The following SH3KBP1 variants were observed in gnomAD, a reference collection of about 807,000 sequenced individuals.
The protein encoded by SH3KBP1 is SH3 domain containing kinase binding protein 1.
Under a neutral mutation model 50.1 loss-of-function variants are expected in SH3KBP1, and 8 were observed. The observed-to-expected ratio is 0.16, with a 90% CI of 0.09 to 0.29. The LOEUF (loss-of-function observed/expected upper bound fraction) is 0.29. SH3KBP1 is among the 10% of genes least tolerant of loss of function. The pLI is 1.00. For synonymous variants in SH3KBP1, 227 were observed against 218.6 expected (o/e 1.04, Z -0.34); for missense variants, 377 against 535.2 (o/e 0.70, Z 2.92).
chrX:19,819,695 T>A (rs1281009346), intron 2 of SH3KBP1, among the ~76,000 whole-genome samples: 1 of 111,129 alleles, frequency 9.0e-6, no homozygotes, highest in Non-Finnish European at 1.9e-5. Context: ...TTCTCTGTTG[T>A]TTTTCTGTTT....
rs1489555630 is a variant in SH3KBP1 at position 19,588,745 on chromosome X, G to A, written c.1196C>T (p.Pro399Leu). The A allele has an allele frequency of 4.2e-6, 5 of 1,198,134 alleles. No individual in the cohort carries two copies. Among genetic ancestry groups the A allele is most frequent in the Non-Finnish European group, 5.6e-6 (5 of 888,058 alleles). Residue 399 changes from proline (P) to leucine (L), a missense_variant, in exon 12 of 18, where the codon CCG becomes CTG. Transcript: ENST00000397821. ...CTTAGGTGGCCGAGGCTTTTTTGGCGGTATGGCAGGAACGGAGGGCTTCTG... is the reference window on the plus strand; with the variant it reads ...CTTAGGTGGCCGAGGCTTTTTTGGCAGTATGGCAGGAACGGAGGGCTTCTG... ...DLQKPSVPAI[P>L]PKKPRPPKTN... is the part of the protein sequence containing the mutation.
At chrX:19,722,559 C>T (rs951667396) in intron 3 of SH3KBP1, among the ~76,000 whole-genome samples, 90 of 95,272 alleles carry the variant, frequency 9.4e-4, no homozygotes, top group Middle Eastern at 5.4e-3. Context: ...TGTGTGTGCG[C>T]GTGCGCACTG....
At chrX:19,768,919 C>A (rs2065697347) in intron 2 of SH3KBP1, among the ~76,000 whole-genome samples, 1 of 104,380 alleles carries the variant, frequency 9.6e-6, no homozygotes, top group Non-Finnish European at 2.0e-5. Context: ...TACACACACA[C>A]ACACATTTGG....
intron 16 of SH3KBP1, among the ~76,000 whole-genome samples, chrX:19,539,531 C>A (rs2064821065): frequency 8.9e-6 from 1 of 112,274 alleles, no homozygotes; most frequent in African/African-American, 3.2e-5. Context: ...GCAGGCAAAG[C>A]CTCAAGCAGT....
chrX:19,743,277 C>T (rs768734240), intron 3 of SH3KBP1, among the ~76,000 whole-genome samples: 1 of 109,931 alleles, frequency 9.1e-6, no homozygotes, highest in Non-Finnish European at 1.9e-5. Context: ...TGTGGTAGCT[C>T]GTACCTTGTA....
intron 8 of SH3KBP1, among the ~76,000 whole-genome samples, chrX:19,627,510 A>G (rs375998498): frequency 8.9e-6 from 1 of 112,710 alleles, no homozygotes; most frequent in African/African-American, 3.2e-5. Context: ...ATAAAAGCTA[A>G]ACACAGGTGT....
intron 1 of SH3KBP1, among the ~76,000 whole-genome samples, chrX:19,852,019 G>C (rs150537236): frequency 9.0e-6 from 1 of 111,537 alleles, no homozygotes; most frequent in Non-Finnish European, 1.9e-5. Flanking sequence ...CTTCCTCCCC[G>C]GGCTTTGGAA....
At chrX:19,831,558 G>T (rs1015897092) in intron 2 of SH3KBP1, among the ~76,000 whole-genome samples, 1 of 108,800 alleles carries the variant, frequency 9.2e-6, no homozygotes. Context: ...TTGGGAGGCC[G>T]AGGCAGACGG....
At chrX:19,638,114 C>A (rs764662130) in intron 7 of SH3KBP1, among the ~76,000 whole-genome samples, 125 of 99,579 alleles carry the variant, frequency 1.3e-3, no homozygotes, top group South Asian at 3.3e-3. Flanking sequence ...AACAAACAAA[C>A]AAAAAAAAAC....
intron 8 of SH3KBP1, among the ~76,000 whole-genome samples, chrX:19,628,504 G>C (rs1428134367): frequency 9.0e-6 from 1 of 111,299 alleles, no homozygotes; most frequent in Non-Finnish European, 1.9e-5. Flanking sequence ...TTCAAACCCT[G>C]GTTCTGGGAG....
At chrX:19,684,932 G>A (rs1602999782) in intron 5 of SH3KBP1, among the ~76,000 whole-genome samples, 1 of 112,270 alleles carries the variant, frequency 8.9e-6, no homozygotes, top group African/African-American at 3.2e-5. Context: ...TTCCTAAAAG[G>A]AAGAGCCTAT....
chrX:19,695,469 G>A (rs1380120658), intron 5 of SH3KBP1, 143 bp downstream of exon 5: 2 of 660,312 alleles, frequency 3.0e-6, no homozygotes, highest in Non-Finnish European at 4.6e-6. Context: ...CTAAACCACA[G>A]TGGGTTAAGG....
At position 19,542,033 on chromosome X, in the gene SH3KBP1, C is replaced by T; in HGVS notation, c.1784G>A (p.Gly595Glu). Residue 595 changes from glycine (G) to glutamate (E), a missense_variant, in exon 16 of 18, where the codon GGA (glycine) becomes GAA (glutamate). Gly to Glu is a moderately conservative substitution (Grantham distance 98). Around this residue, in one of 3 missense-constraint regions of SH3KBP1, gnomAD observed 110 missense variants for 124.1 expected, o/e 0.89. Transcript: ENST00000397821. Reference sequence around the variant, plus strand: ...GGCCGCAGGCTCCATCTTTGGTTTTCCTTCCGTGCCGAACAGAGACGGGGA... The same window carrying T: ...GGCCGCAGGCTCCATCTTTGGTTTTTCTTCCGTGCCGAACAGAGACGGGGA... ...ANSPSLFGTE[G>E]KPKMEPAASS... 1 of 1,211,986 alleles carries T rather than the reference C, an allele frequency of 8.3e-7. No homozygotes were observed. Among genetic ancestry groups the T allele is most frequent in the Non-Finnish European group, 1.1e-6 (1 of 895,560 alleles).
In SH3KBP1 at chrX:19,762,926, G is replaced by T. The variant is rs1872163; in HGVS notation, c.163-16485C>A. 1.9e-3 allele frequency among the ~76,000 whole-genome samples: 218 copies of T among 112,080 alleles called. 1 individual carries two copies. Among genetic ancestry groups the T allele is most frequent in the African/African-American group, 6.2e-3 (191 of 30,845 alleles). On this transcript the variant is annotated intron_variant, in intron 2 of 17. Coordinates refer to ENST00000397821, the MANE Select transcript of SH3KBP1 (RefSeq NM_031892.3). ...ACCTGCGAGTGGAGATTGGTATCTG[G>T]GATATACCTTTTATATATACCTCAT...
At chrX:19,732,558 C>A (rs1438943256) in intron 3 of SH3KBP1, among the ~76,000 whole-genome samples, 2 of 105,695 alleles carry the variant, frequency 1.9e-5, no homozygotes, top group Non-Finnish European at 3.9e-5. Context: ...CAAGGGTCAA[C>A]TGTATATATA....
intron 2 of SH3KBP1, among the ~76,000 whole-genome samples, chrX:19,779,508 T>C (rs1432741273): frequency 3.9e-5 from 4 of 102,948 alleles, no homozygotes; most frequent in African/African-American, 1.4e-4. Context: ...ACATGTGCCA[T>C]GCTGGTGCGC....
At chrX:19,866,667 G>A (rs1454024412) in intron 1 of SH3KBP1, among the ~76,000 whole-genome samples, 4 of 104,188 alleles carry the variant, frequency 3.8e-5, no homozygotes, top group African/African-American at 1.1e-4. Context: ...TCTAGCCTGC[G>A]CAACAGAGCG....
intron 1 of SH3KBP1, among the ~76,000 whole-genome samples, chrX:19,863,014 G>A (rs944467472): frequency 2.7e-5 from 3 of 112,070 alleles, no homozygotes; most frequent in African/African-American, 9.7e-5. Context: ...CCCCTTCAGA[G>A]AAGAGGCCCA....
intron 8 of SH3KBP1, 31 bp downstream of exon 8, chrX:19,631,833 A>C: frequency 1.9e-6 from 2 of 1,026,419 alleles, no homozygotes; most frequent in Non-Finnish European, 2.7e-6. Context: ...GCAGTTCGCG[A>C]TTTAGAAGGT....
Sources: allele counts gnomAD v4.1 joint callset (sites outside exome capture counted in the v4.1 genomes callset), GRCh38; gene constraint gnomAD v4.1.1; regional missense constraint gnomAD v4.1.1; transcripts MANE v1.5; gene names NCBI Gene and HGNC (gene_info 2026-07-23, HGNC 2026-07-21).